Variants in MAGI2 observed in about 807,000 individuals in gnomAD.
MAGI2 encodes membrane associated guanylate kinase, WW and PDZ domain containing 2.
In MAGI2, 35 loss-of-function variants were observed where a neutral mutation model predicts 133.3. That is an observed-to-expected ratio of 0.26 (90% confidence interval 0.20 to 0.35). The LOEUF (loss-of-function observed/expected upper bound fraction) is 0.35. Ranked by LOEUF, MAGI2 falls within the 10% of genes least tolerant of loss-of-function variation. The pLI is 1.00. For synonymous variants in MAGI2, 729 were observed against 710.6 expected, an observed-to-expected ratio of 1.03 and a Z score of -0.41; for missense variants, 1,636 against 1,863.4, an observed-to-expected ratio of 0.88 and a Z score of 2.25.
intron 2 of MAGI2, among the ~76,000 whole-genome samples, chr7:78,910,638 C>T (rs1935146263): frequency 6.6e-6 from 1 of 152,164 alleles, no homozygotes; most frequent in South Asian, 2.1e-4. Flanking sequence ...TCAAGTACAA[C>T]ACTAGTCTAA....
At chr7:78,393,893 C>T (rs373715959) in intron 6 of MAGI2, among the ~76,000 whole-genome samples, 6 of 152,184 alleles carry the variant, frequency 3.9e-5, no homozygotes, top group East Asian at 3.9e-4. Context: ...GACATTTCTT[C>T]GGAGGATAAA....
chr7:79,008,567 C>G (rs1807712206), intron 1 of MAGI2, among the ~76,000 whole-genome samples: 1 of 151,926 alleles, frequency 6.6e-6, no homozygotes, highest in African/African-American at 2.4e-5. Context: ...ATTTTTCCAC[C>G]CAATATAATA....
At chr7:79,124,504 T>C (rs899706913) in intron 1 of MAGI2, among the ~76,000 whole-genome samples, 4 of 152,170 alleles carry the variant, frequency 2.6e-5, no homozygotes, top group African/African-American at 9.7e-5. Flanking sequence ...ACTCCCAAGT[T>C]TGCGCTGTCA....
intron 4 of MAGI2, among the ~76,000 whole-genome samples, 197 bp downstream of exon 4, chr7:78,521,233 C>A (rs1796473216): frequency 6.9e-6 from 1 of 145,978 alleles, no homozygotes; most frequent in Non-Finnish European, 1.5e-5. Context: ...CATGTCCTTT[C>A]CATTTGATAT....
At chr7:78,923,676 G>T (rs1371085835) in intron 2 of MAGI2, among the ~76,000 whole-genome samples, 1 of 152,072 alleles carries the variant, frequency 6.6e-6, no homozygotes, top group Non-Finnish European at 1.5e-5. Flanking sequence ...TGGTGATGAG[G>T]GCTCTTTTTT....
intron 2 of MAGI2, among the ~76,000 whole-genome samples, chr7:78,722,378 A>G (rs1392288172): frequency 6.6e-6 from 1 of 152,032 alleles, no homozygotes; most frequent in Admixed American, 6.6e-5. Flanking sequence ...CTGCATGGGA[A>G]CATGTTTCAA....
intron 10 of MAGI2, among the ~76,000 whole-genome samples, chr7:78,223,045 T>A (rs1788988799): frequency 6.6e-6 from 1 of 152,184 alleles, no homozygotes; most frequent in Non-Finnish European, 1.5e-5. Flanking sequence ...CTGTCAATAT[T>A]TCTGTGGATC....
At chr7:78,196,168 C>A (rs1828712094) in intron 11 of MAGI2, among the ~76,000 whole-genome samples, 1 of 152,044 alleles carries the variant, frequency 6.6e-6, no homozygotes, top group South Asian at 2.1e-4. Context: ...ATGTATTTTC[C>A]ACTCTTCCTT....
intron 1 of MAGI2, among the ~76,000 whole-genome samples, chr7:79,449,167 A>C (rs1849061796): frequency 6.6e-6 from 1 of 152,126 alleles, no homozygotes; most frequent in African/African-American, 2.4e-5. Flanking sequence ...GAGTATAGAG[A>C]TCTGACTCTA....
intron 1 of MAGI2, among the ~76,000 whole-genome samples, chr7:79,341,310 G>A (rs920374295): frequency 2.6e-5 from 4 of 152,048 alleles, no homozygotes; most frequent in Non-Finnish European, 1.5e-5. Flanking sequence ...CTGGCTGGCA[G>A]CATATCTGAT....
chr7:78,569,547 A>C (rs1563182592), intron 3 of MAGI2, among the ~76,000 whole-genome samples: 1 of 152,144 alleles, frequency 6.6e-6, no homozygotes, highest in South Asian at 2.1e-4. Flanking sequence ...GCCCAATATC[A>C]CTTGCGTTTA....
chr7:78,105,957 C>T (rs1479312242), intron 20 of MAGI2, among the ~76,000 whole-genome samples: 1 of 152,070 alleles, frequency 6.6e-6, no homozygotes, highest in African/African-American at 2.4e-5. Flanking sequence ...CTTCATCATT[C>T]TATCTAACTG....
chr7:78,977,350 T>C (rs1804347539), intron 2 of MAGI2, among the ~76,000 whole-genome samples: 1 of 149,538 alleles, frequency 6.7e-6, no homozygotes, highest in African/African-American at 2.5e-5. Context: ...TTCCAACAAA[T>C]GGTACAGGAA....
intron 6 of MAGI2, among the ~76,000 whole-genome samples, chr7:78,402,052 C>T (rs1796921365): frequency 6.6e-6 from 1 of 152,166 alleles, no homozygotes; most frequent in Non-Finnish European, 1.5e-5. Context: ...GAATTACTGC[C>T]TCTGCTCCCA....
At chr7:79,161,142 C>T (rs1824312888) in intron 1 of MAGI2, among the ~76,000 whole-genome samples, 1 of 151,672 alleles carries the variant, frequency 6.6e-6, no homozygotes, top group African/African-American at 2.4e-5. Context: ...TAGTTGTAAC[C>T]CCTTTACCTA....
chr7:78,858,203 C>G (rs1045505440), intron 2 of MAGI2, among the ~76,000 whole-genome samples: 2 of 152,126 alleles, frequency 1.3e-5, no homozygotes, highest in Non-Finnish European at 2.9e-5. Context: ...AAAAAACCAG[C>G]TCCTGGATTC....
intron 2 of MAGI2, among the ~76,000 whole-genome samples, chr7:78,722,823 TTAAATGTGGGTACTTATGTTTTA>T (rs1820394170): frequency 6.6e-6 from 1 of 152,120 alleles, no homozygotes; most frequent in Admixed American, 6.6e-5. Flanking sequence ...CTGGGGGAAC[TTAAATGTGGGTACTTATGTTTTA>T]TAGGATTGAC....
intron 21 of MAGI2, among the ~76,000 whole-genome samples, chr7:78,045,188 AAAAT>A (rs961901715): frequency 6.6e-6 from 1 of 152,192 alleles, no homozygotes; most frequent in Non-Finnish European, 1.5e-5. Context: ...AATAAATAAT[AAAAT>A]AAATAAAACA....
At chr7:79,340,885 C>G (rs1424826448) in intron 1 of MAGI2, among the ~76,000 whole-genome samples, 1 of 152,066 alleles carries the variant, frequency 6.6e-6, no homozygotes, top group African/African-American at 2.4e-5. Flanking sequence ...AGGAAAGGAG[C>G]CAGCACGAGT....
Sources: gnomAD v4.1 joint callset for allele counts (sites outside exome capture counted in the v4.1 genomes callset) on GRCh38, gnomAD v4.1.1 for gene constraint, MANE v1.5 for transcripts, NCBI Gene and HGNC (gene_info 2026-07-23, HGNC 2026-07-21) for gene names.